CETN3: variants seen among roughly 807,000 people sequenced by gnomAD.
CETN3 encodes the protein centrin 3, also known as centrin-3.
A neutral mutation model predicts 20.1 loss-of-function variants in CETN3; 17 were observed. That is an observed-to-expected ratio of 0.85 (90% CI 0.58 to 1.27). The LOEUF (loss-of-function observed/expected upper bound fraction) is 1.27, where lower values mean the gene tolerates loss of function less well. Among genes scored for constraint, CETN3 ranks in the 50% most tolerant of loss-of-function variants. The probability of loss-of-function intolerance (pLI) is 0.00; values close to 1 mark genes in which losing one functional copy is unlikely to be tolerated. For synonymous variants in CETN3, 52 were observed against 59.7 expected, an observed-to-expected ratio of 0.87 and a Z score of 0.59; for missense variants, 169 against 191.2, an observed-to-expected ratio of 0.88 and a Z score of 0.69.
rs372629434 is a variant in CETN3, at chr5:90,399,444, C to T, written c.374G>A (p.Arg125His). Residue 125 changes from arginine to histidine, a missense_variant, in exon 4 of 5, where the codon CGT becomes CAT. Physicochemically the swap from Arg to His is conservative, Grantham distance 29. Transcript: ENST00000283122. Reference protein sequence around the residue: ...SGKISLRNLRRVARELGENMS... With the variant: ...SGKISLRNLRHVARELGENMS... ...GTTTTCACCCAATTCTCTAGCAACACGTCGCAAATTCCTCAAGCTTATTTT... is the reference window on the plus strand; with the variant it reads ...GTTTTCACCCAATTCTCTAGCAACATGTCGCAAATTCCTCAAGCTTATTTT... 1.4e-4 allele frequency: 232 copies of T among 1,613,876 alleles called. No homozygotes were observed. The highest frequency in any genetic ancestry group is 1.8e-4 in the Non-Finnish European group (218 of 1,179,944).
chr5:90,396,950 A>G (rs1329561325), intron 4 of CETN3, among the ~76,000 whole-genome samples: 4 of 152,204 alleles, frequency 2.6e-5, no homozygotes, highest in Non-Finnish European at 4.4e-5. Flanking sequence ...AAAATAAAGT[A>G]TAACAATTTA....
chr5:90,408,601 A>T (rs963447619), intron 1 of CETN3, among the ~76,000 whole-genome samples: 1 of 152,184 alleles, frequency 6.6e-6, no homozygotes, highest in Non-Finnish European at 1.5e-5. Context: ...AAAAAAAGCA[A>T]AAATTATTTT....
chr5:90,405,560 G>A (rs1211033901), intron 3 of CETN3, 125 bp downstream of exon 3: 1 of 621,584 alleles, frequency 1.6e-6, no homozygotes, highest in Non-Finnish European at 2.8e-6. Context: ...CTGAGTAAGA[G>A]TCACATTATA....
At chr5:90,399,326 A>C (rs1235908654) in intron 4 of CETN3, 32 bp downstream of exon 4, 1 of 1,606,746 alleles carries the variant, frequency 6.2e-7, no homozygotes, top group Non-Finnish European at 8.5e-7. Context: ...GCATCAGGAA[A>C]ACCTGGAAAA....
intron 1 of CETN3, among the ~76,000 whole-genome samples, chr5:90,409,226 G>A (rs756589164): frequency 2.0e-5 from 3 of 152,182 alleles, no homozygotes; most frequent in Non-Finnish European, 4.4e-5. Context: ...AAGAGTTTTT[G>A]TTATTTCCAA....
intron 4 of CETN3, among the ~76,000 whole-genome samples, chr5:90,397,018 C>T (rs930544937): frequency 6.6e-6 from 1 of 151,944 alleles, no homozygotes; most frequent in Non-Finnish European, 1.5e-5. Flanking sequence ...TTAACGTATA[C>T]AAGAGGATAT....
rs181140348 is a variant in CETN3, at chr5:90,409,565, A to C, written c.17+80T>G. The C allele has an allele frequency of 1.1e-5, 17 of 1,561,570 alleles. No homozygotes were observed. The African/African-American group carries it at 2.2e-4, about 20-fold the overall frequency. ...ACATCCCCTGCCTCGCCTCGGCCCC[A>C]AACGTCCTCCCTTCCACACACACCC... On this transcript the variant is annotated intron_variant, in intron 1 of 4. Transcript: ENST00000283122.
chr5:90,396,922 A>AT (rs1338799382), intron 4 of CETN3, among the ~76,000 whole-genome samples: 1 of 152,186 alleles, frequency 6.6e-6, no homozygotes, highest in Non-Finnish European at 1.5e-5. Context: ...AAATAACACA[A>AT]TAAAAAATAA....
At chr5:90,406,948 T>A (rs1164622960) in intron 2 of CETN3, among the ~76,000 whole-genome samples, 1 of 151,606 alleles carries the variant, frequency 6.6e-6, no homozygotes, top group African/African-American at 2.4e-5. Flanking sequence ...ATACATTCTA[T>A]CCTGTCACTG....
intron 1 of CETN3, 73 bp from the exon 2 acceptor site, chr5:90,407,907 C>T (rs2151884497): frequency 7.8e-7 from 1 of 1,275,262 alleles, no homozygotes; most frequent in Middle Eastern, 2.0e-4. Context: ...CAATAATTAC[C>T]TTCTAAATTT....
At chr5:90,409,511 C>T in intron 1 of CETN3, 134 bp downstream of exon 1, 2 of 1,022,570 alleles carry the variant, frequency 2.0e-6, no homozygotes, top group Non-Finnish European at 3.0e-6. Flanking sequence ...GGGCAGGCTG[C>T]CCTAGGCTCC....
intron 3 of CETN3, among the ~76,000 whole-genome samples, chr5:90,404,793 G>A (rs778697271): frequency 6.7e-6 from 1 of 150,112 alleles, no homozygotes; most frequent in Non-Finnish European, 1.5e-5. Flanking sequence ...GTATATAGCA[G>A]AATTTGTTTC....
At chr5:90,395,923 A>C in intron 4 of CETN3, 6 of 921,888 alleles carry the variant, frequency 6.5e-6, no homozygotes, top group Non-Finnish European at 7.8e-6. Flanking sequence ...ACCGGTTTTG[A>C]TAACTATGTT....
intron 3 of CETN3, among the ~76,000 whole-genome samples, chr5:90,403,573 T>C (rs1177539675): frequency 6.6e-6 from 1 of 152,144 alleles, no homozygotes; most frequent in East Asian, 1.9e-4. Context: ...CAACTGCCAA[T>C]AAAAATCACA....
intron 1 of CETN3, among the ~76,000 whole-genome samples, chr5:90,408,312 T>C (rs1455496659): frequency 6.6e-6 from 1 of 152,048 alleles, no homozygotes; most frequent in African/African-American, 2.4e-5. Flanking sequence ...GTTCATAAAA[T>C]TACAAAAAAA....
chr5:90,409,710 A>G lies in CETN3; in HGVS notation c.-49T>C. ...CTCTCAAGAACGATTTTAACCCCCT[A>G]CCCAAGGCAGCAAGACGCCCACAGC... On this transcript the variant is annotated 5_prime_UTR_variant, in exon 1 of 5. Transcript: ENST00000283122. 7.4e-6 allele frequency: 12 copies of G among 1,613,010 alleles called. No homozygotes were observed. The highest frequency in any genetic ancestry group is 1.0e-5 in the Non-Finnish European group (12 of 1,179,326).
intron 3 of CETN3, 71 bp from the exon 4 acceptor site, chr5:90,399,620 TA>T: frequency 2.5e-6 from 3 of 1,192,300 alleles, no homozygotes; most frequent in Non-Finnish European, 3.6e-6. Context: ...TGAAATCAAC[TA>T]AATATTAGAT....
intron 3 of CETN3, among the ~76,000 whole-genome samples, chr5:90,401,911 G>A (rs1236633382): frequency 2.6e-5 from 4 of 152,074 alleles, no homozygotes; most frequent in East Asian, 1.9e-4. Context: ...GTGCAATGGC[G>A]TGATCCCAGC....
chr5:90,393,817 TCA>T lies in CETN3; in HGVS notation c.*245_*246del, dbSNP rs1431207732. 5 of 294,126 alleles carry T rather than the reference TCA, an allele frequency of 1.7e-5. No individual in the cohort carries two copies. The South Asian group carries it at 3.6e-4, about 21-fold the overall frequency. 18.2% of individuals were successfully genotyped at this position (294,126 alleles called of 1,614,324 possible). On this transcript the variant is annotated 3_prime_UTR_variant, in exon 5 of 5. Coordinates refer to ENST00000283122, the MANE Select transcript of CETN3 (RefSeq NM_004365.4). ...TTAAAAAACCTTCAAAGAACACATA[TCA>T]CACATTCAATTTTTAAAACTTTATA...
Sources: allele counts gnomAD v4.1 joint callset (sites outside exome capture counted in the v4.1 genomes callset), GRCh38; gene constraint gnomAD v4.1.1; transcripts MANE v1.5; gene names NCBI Gene and HGNC (gene_info 2026-07-23, HGNC 2026-07-21).